Variants in MKRN2OS observed in about 807,000 individuals in gnomAD.
The protein encoded by MKRN2OS is MKRN2 opposite strand.
MKRN2OS carries 17 observed loss-of-function variants against 18.2 expected under a neutral mutation model. That is an observed-to-expected ratio of 0.93 (90% confidence interval 0.64 to 1.40). The LOEUF is 1.40. Ranked by LOEUF, MKRN2OS falls within the 40% of genes most tolerant of loss-of-function variation. MKRN2OS has a pLI of 0.00. For synonymous variants in MKRN2OS, 121 were observed against 108.5 expected, an observed-to-expected ratio of 1.12 and a Z score of -0.72; for missense variants, 337 against 283.0, an observed-to-expected ratio of 1.19 and a Z score of -1.37.
Position 12,539,895 on chromosome 3 carries a change from C to T in MKRN2OS, c.*298G>A. The T allele has an allele frequency of 2.9e-6, 1 of 339,386 alleles. No individual in the cohort carries two copies. Among genetic ancestry groups the T allele is most frequent in the Non-Finnish European group, 5.6e-6 (1 of 177,580 alleles). 21.0% of individuals were successfully genotyped at this position (339,386 alleles called of 1,614,324 possible). On this transcript the variant is annotated 3_prime_UTR_variant, in exon 4 of 4. Transcript: ENST00000564146. ...CCGCCTCCCGGGTTCAAGCGATTCT[C>T]CTGCTTCAGCCTCCCTAGTAGTTGG...
chr3:12,540,297 A>C lies in MKRN2OS; in HGVS notation c.568T>G (p.Ser190Ala). 6.5e-7 allele frequency: 1 copy of C among 1,536,104 alleles called. No individual in the cohort carries two copies. The highest frequency in any genetic ancestry group is 8.7e-7 in the Non-Finnish European group (1 of 1,146,908). Residue 190 changes from serine (S) to alanine (A), a missense_variant, in exon 4 of 4, where the codon TCC becomes GCC. By Grantham distance (99) the Ser-to-Ala change is moderately conservative. Coordinates refer to ENST00000564146, the MANE Select transcript of MKRN2OS (RefSeq NM_001195279.2). ...KYVVPRTRLA[S>A]KFITLYRAIR... ...GCCCGGTAGAGTGTGATGAACTTGG[A>C]TGCCAGCCTTGTCCGCGGGACCACG...
intron 3 of MKRN2OS, among the ~76,000 whole-genome samples, chr3:12,541,381 G>A (rs918295692): frequency 6.6e-6 from 1 of 151,930 alleles, no homozygotes; most frequent in African/African-American, 2.4e-5. Flanking sequence ...CACCACGCCT[G>A]GCTATTTTTG....
Position 12,540,351 on chromosome 3 carries a change from G to T in MKRN2OS, c.514C>A (p.Leu172Met). The T allele has an allele frequency of 6.5e-7, 1 of 1,536,108 alleles. No individual in the cohort carries two copies. ...TTCTCCGTAAATTCACCCTTGTCCA[G>T]TTGCTGTCTACCTTCTGCCATCAGA... Reference protein sequence around the residue: ...CVLMAEGRQQLDKGEFTEKYV... With the variant: ...CVLMAEGRQQMDKGEFTEKYV... Residue 172 changes from leucine to methionine, a missense_variant, in exon 4 of 4, where the codon CTG becomes ATG. Coordinates refer to ENST00000564146, the MANE Select transcript of MKRN2OS (RefSeq NM_001195279.2).
intron 2 of MKRN2OS, 36 bp from the exon 3 acceptor site, chr3:12,542,058 G>A: frequency 6.6e-7 from 1 of 1,517,236 alleles, no homozygotes; most frequent in Non-Finnish European, 8.8e-7. Context: ...GGAGCCCCAA[G>A]GAAACACACA....
In MKRN2OS at chr3:12,557,093, G is replaced by T. The variant is rs1182066693; in HGVS notation, n.265-2959C>A. 5 of 1,439,304 alleles carry T rather than the reference G, an allele frequency of 3.5e-6. No homozygotes were observed. The East Asian group carries it at 9.7e-5, about 28-fold the overall frequency. The allele number at this position is 1,439,304 out of a possible 1,614,324, so 89.2% of individuals were successfully genotyped here. A position where few individuals can be genotyped will look rare whatever the true frequency, so the allele number is the denominator to read the frequency against. ...GATGGGCCGGGCCAGGGCCAAGGCC[G>T]AGGCGGCAGCGGCTGCGAGAGGCGG... On this transcript the variant is annotated intron_variant and non_coding_transcript_variant, in intron 1 of 1. Transcript: ENST00000447550.
chr3:12,541,733 A>G (rs1369545202), intron 3 of MKRN2OS, 127 bp downstream of exon 3: 1 of 998,648 alleles, frequency 1.0e-6, no homozygotes, highest in Non-Finnish European at 1.4e-6. Flanking sequence ...TAGAGATGCT[A>G]ATATGTCTGT....
intron 1 of MKRN2OS, among the ~76,000 whole-genome samples, chr3:12,544,638 C>T (rs2125291047): frequency 6.6e-6 from 1 of 151,426 alleles, no homozygotes; most frequent in African/African-American, 2.4e-5. Flanking sequence ...GCTGAGACAC[C>T]ATTGCACTCC....
In MKRN2OS at chr3:12,539,937, C is replaced by G; in HGVS notation, c.*256G>C. ...AGTAGTTGGGATTACAGGCATGCGC[C>G]ACCATGCCCAGCTAATTTTATATTT... On this transcript the variant is annotated 3_prime_UTR_variant, in exon 4 of 4. Transcript: ENST00000564146. The G allele has an allele frequency of 2.3e-6, 1 of 441,160 alleles. No individual in the cohort carries two copies. The highest frequency in any genetic ancestry group is 3.4e-5 in the Admixed American group (1 of 29,028). The allele number at this position is 441,160 out of a possible 1,614,324, so 27.3% of individuals were successfully genotyped here. A position where few individuals can be genotyped will look rare whatever the true frequency, so the allele number is the denominator to read the frequency against.
downstream of MKRN2OS, among the ~76,000 whole-genome samples, chr3:12,552,596 G>C (rs975868522): frequency 2.6e-5 from 4 of 151,290 alleles, no homozygotes; most frequent in Non-Finnish European, 4.4e-5. Context: ...TCTTTAGTAG[G>C]GTCGGGGTTT....
chr3:12,559,444 G>GT lies in MKRN2OS; in HGVS notation n.264+1312dup, dbSNP rs942846078. Among the ~76,000 whole-genome samples, 85 of 151,676 alleles carry GT rather than the reference G, an allele frequency of 5.6e-4. 1 individual carries two copies. Among genetic ancestry groups the GT allele is most frequent in the Non-Finnish European group, 3.1e-4 (21 of 67,852 alleles). On this transcript the variant is annotated intron_variant and non_coding_transcript_variant, in intron 1 of 1. Transcript: ENST00000447550. ...TTTTGTGGGTTTTGTTTGTTTTTTT[G>GT]TTTTTTTTAATCTCAGGTCACAAAG...
rs1347963677 is a variant in MKRN2OS, at chr3:12,545,477, C to T, written c.-13G>A. 5 of 1,497,914 alleles carry T rather than the reference C, an allele frequency of 3.3e-6. No homozygotes were observed. The highest frequency in any genetic ancestry group is 4.4e-6 in the Non-Finnish European group (5 of 1,124,686). 92.8% of individuals were successfully genotyped at this position (1,497,914 alleles called of 1,614,324 possible). On this transcript the variant is annotated 5_prime_UTR_variant, in exon 1 of 4. Transcript: ENST00000564146. ...CTGCGCAGTGCATAGCTTTCGCCTC[C>T]TGGAATGCTAGGGGAGGTTTCCGGA...
At chr3:12,541,494 C>T (rs2057812024) in intron 3 of MKRN2OS, among the ~76,000 whole-genome samples, 1 of 152,178 alleles carries the variant, frequency 6.6e-6, no homozygotes, top group East Asian at 1.9e-4. Flanking sequence ...GCTGGGATTA[C>T]AGGCGAGAGC....
downstream of MKRN2OS, among the ~76,000 whole-genome samples, chr3:12,550,816 TGTTATGTTGGGTTATA>T (rs950105100): frequency 6.2e-5 from 6 of 96,092 alleles, no homozygotes; most frequent in African/African-American, 5.0e-4. Flanking sequence ...TAACATATTT[TGTTATGTTGGGTTATA>T]TGTGTTGGGT....
Position 12,540,021 on chromosome 3 carries a change from G to A in MKRN2OS, c.*172C>T, listed in dbSNP as rs1442524446. ...GCTGGTCTCAAACTCCCAACCTCAG[G>A]TGACCTACCTGTCTTAGCTTCCCAA... On this transcript the variant is annotated 3_prime_UTR_variant, in exon 4 of 4. Coordinates refer to ENST00000564146, the MANE Select transcript of MKRN2OS (RefSeq NM_001195279.2). The A allele has an allele frequency of 1.1e-6, 1 of 884,490 alleles. No individual in the cohort carries two copies. Among genetic ancestry groups the A allele is most frequent in the Non-Finnish European group, 1.7e-6 (1 of 593,660 alleles). The allele number at this position is 884,490 out of a possible 1,614,324, so 54.8% of individuals were successfully genotyped here. A position where few individuals can be genotyped will look rare whatever the true frequency, so the allele number is the denominator to read the frequency against.
upstream of MKRN2OS, among the ~76,000 whole-genome samples, chr3:12,548,402 C>T (rs2057902361): frequency 1.2e-5 from 1 of 83,562 alleles, no homozygotes; most frequent in African/African-American, 1.0e-4. Context: ...GAGCCGAGAT[C>T]GCGCCACTGC....
chr3:12,547,107 CTAAATAAA>C (rs201096393), upstream of MKRN2OS, among the ~76,000 whole-genome samples: 63 of 151,560 alleles, frequency 4.2e-4, no homozygotes, highest in South Asian at 0.011. Flanking sequence ...GACCCTGTCT[CTAAATAAA>C]TAAATAAATA....
exon 1 of MKRN2OS, chr3:12,560,937 CAT>C (rs1039160962): frequency 6.6e-6 from 1 of 152,186 alleles, no homozygotes; most frequent in African/African-American, 2.4e-5. Flanking sequence ...ATCAGTATAA[CAT>C]AGATGGAGAG....
intron 1 of MKRN2OS, 27 bp downstream of exon 1, chr3:12,545,220 A>C (rs757165917): frequency 2.0e-5 from 30 of 1,468,116 alleles, no homozygotes; most frequent in Non-Finnish European, 2.6e-5. Flanking sequence ...TGCACAATGC[A>C]ATTTAACACT....
At chr3:12,550,155 G>C (rs1180272878), upstream of MKRN2OS, among the ~76,000 whole-genome samples, 1 of 152,168 alleles carries the variant, frequency 6.6e-6, no homozygotes, top group Non-Finnish European at 1.5e-5. Flanking sequence ...GTTTACAGCA[G>C]CTTCATTCAT....
Sources: gnomAD v4.1 joint callset for allele counts (sites outside exome capture counted in the v4.1 genomes callset) on GRCh38, gnomAD v4.1.1 for gene constraint, MANE v1.5 for transcripts, NCBI Gene and HGNC (gene_info 2026-07-23, HGNC 2026-07-21) for gene names.